Variants in SMC1B observed in about 807,000 individuals in gnomAD.
The protein encoded by SMC1B is structural maintenance of chromosomes protein 1B.
SMC1B carries 60 observed loss-of-function variants against 157.9 expected under a neutral mutation model. That is an observed-to-expected ratio of 0.38 (90% CI 0.31 to 0.47). The LOEUF is 0.47. Ranked by LOEUF, SMC1B falls within the 20% of genes least tolerant of loss-of-function variation. SMC1B has a pLI of 0.99. For missense variants in SMC1B, 1,165 were observed against 1,426.2 expected, an observed-to-expected ratio of 0.82 and a Z score of 2.95; for synonymous variants, 445 against 483.0, an observed-to-expected ratio of 0.92 and a Z score of 1.03.
chr22:45,402,928 T>C (rs779969469), intron 4 of SMC1B, among the ~76,000 whole-genome samples: 2 of 152,204 alleles, frequency 1.3e-5, no homozygotes, highest in African/African-American at 2.4e-5. Context: ...ATATGACTTA[T>C]AAGGTGCTAG....
chr22:45,356,727 C>CT (rs1174032906), intron 19 of SMC1B, among the ~76,000 whole-genome samples: 3,168 of 126,362 alleles, frequency 0.025, 65 homozygotes, highest in East Asian at 0.059. Context: ...TTTTTCTTTT[C>CT]TTTTTTTTTT....
intron 5 of SMC1B, among the ~76,000 whole-genome samples, chr22:45,400,745 T>C (rs1177201320): frequency 6.6e-6 from 1 of 152,150 alleles, no homozygotes; most frequent in African/African-American, 2.4e-5. Flanking sequence ...AAGGTCAACA[T>C]CAACAGTGAT....
Position 45,402,567 on chromosome 22 carries a change from T to C in SMC1B, c.620A>G (p.Glu207Gly), listed in dbSNP as rs1287762662. ...TTCTTCAAGGAGACTCTGGTAACGTTCTGCCTATAAAAGAGTATAATTCAA... is the reference window on the plus strand; with the variant it reads ...TTCTTCAAGGAGACTCTGGTAACGTCCTGCCTATAAAAGAGTATAATTCAA... ...RQAKLEKEEA[E>G]RYQSLLEELK... Residue 207 changes from glutamate to glycine, a missense_variant, in exon 5 of 25, where the codon GAA (glutamate) becomes GGA (glycine). Physicochemically the swap from Glu to Gly is moderately conservative, Grantham distance 98. Coordinates refer to ENST00000357450, the MANE Select transcript of SMC1B (RefSeq NM_148674.5). The C allele has an allele frequency of 6.2e-7, 1 of 1,611,236 alleles. No individual in the cohort carries two copies. The highest frequency in any genetic ancestry group is 1.1e-5 in the South Asian group (1 of 90,704).
chr22:45,412,428 T>C (rs2087350659), intron 1 of SMC1B, among the ~76,000 whole-genome samples: 1 of 145,910 alleles, frequency 6.9e-6, no homozygotes, highest in Admixed American at 6.9e-5. Flanking sequence ...CTCGAACTCC[T>C]GATCTCATGA....
At chr22:45,354,238 C>T in intron 20 of SMC1B, 106 bp from the exon 21 acceptor site, 1 of 899,402 alleles carries the variant, frequency 1.1e-6, no homozygotes, top group Non-Finnish European at 1.6e-6. Context: ...GTTTGGATCT[C>T]TTGAGTAAAG....
intron 10 of SMC1B, among the ~76,000 whole-genome samples, chr22:45,387,472 A>C (rs200291072): frequency 1.1e-4 from 17 of 152,102 alleles, no homozygotes; most frequent in Non-Finnish European, 1.9e-4. Flanking sequence ...AAACAAAAAA[A>C]AGTATGTTAT....
chr22:45,372,372 T>A, intron 12 of SMC1B, 80 bp from the exon 13 acceptor site: 1 of 1,257,612 alleles, frequency 8.0e-7, no homozygotes, highest in Non-Finnish European at 1.1e-6. Context: ...TATGTAATAA[T>A]TCACTGATTT....
chr22:45,403,763 C>T (rs1294534567), intron 4 of SMC1B, among the ~76,000 whole-genome samples: 6 of 152,088 alleles, frequency 3.9e-5, no homozygotes, highest in African/African-American at 1.4e-4. Context: ...CCAGCCCAAC[C>T]CTGCTCTTGT....
intron 1 of SMC1B, among the ~76,000 whole-genome samples, chr22:45,411,911 C>T (rs1015387138): frequency 2.1e-5 from 3 of 143,896 alleles, no homozygotes; most frequent in Non-Finnish European, 4.6e-5. Flanking sequence ...CAGAGTCTTG[C>T]TCTGTCGCCC....
chr22:45,363,131 T>C, intron 15 of SMC1B, 105 bp from the exon 16 acceptor site: 1 of 768,960 alleles, frequency 1.3e-6, no homozygotes, highest in Non-Finnish European at 2.0e-6. Context: ...AGGAATACTA[T>C]AATGAACTCC....
intron 14 of SMC1B, among the ~76,000 whole-genome samples, chr22:45,370,270 G>T (rs561098288): frequency 6.6e-6 from 1 of 151,890 alleles, no homozygotes; most frequent in East Asian, 1.9e-4. Context: ...AAAAAACTAA[G>T]AAAGATCATA....
chr22:45,392,414 T>C (rs2087070504), intron 9 of SMC1B, among the ~76,000 whole-genome samples: 1 of 152,142 alleles, frequency 6.6e-6, no homozygotes, highest in South Asian at 2.1e-4. Context: ...TTTTTTTTTT[T>C]TTTAAATCCT....
At chr22:45,354,312 T>G (rs1027539955) in intron 20 of SMC1B, among the ~76,000 whole-genome samples, 180 bp from the exon 21 acceptor site, 2 of 152,206 alleles carry the variant, frequency 1.3e-5, no homozygotes, top group African/African-American at 2.4e-5. Context: ...TTCATGAGCC[T>G]CTTTTCTAGT....
intron 12 of SMC1B, among the ~76,000 whole-genome samples, chr22:45,374,684 G>A (rs896098041): frequency 3.3e-5 from 5 of 152,038 alleles, no homozygotes; most frequent in East Asian, 1.9e-4. Context: ...AAAGCCCTAC[G>A]AACTGAAGCT....
chr22:45,351,808 AAG>A (rs909095154), intron 22 of SMC1B, among the ~76,000 whole-genome samples: 6 of 152,220 alleles, frequency 3.9e-5, no homozygotes, highest in African/African-American at 1.4e-4. Flanking sequence ...TGAATGTTGA[AAG>A]AGGTTAATTG....
intron 4 of SMC1B, among the ~76,000 whole-genome samples, chr22:45,403,419 T>G (rs2087219209): frequency 6.6e-6 from 1 of 151,928 alleles, no homozygotes; most frequent in Non-Finnish European, 1.5e-5. Context: ...ATTGAGAATA[T>G]AGCAGAAAAT....
chr22:45,388,053 A>C (rs1355196272), intron 10 of SMC1B, among the ~76,000 whole-genome samples: 2 of 149,204 alleles, frequency 1.3e-5, no homozygotes, highest in Non-Finnish European at 3.0e-5. Context: ...AGCAAAAAAA[A>C]CCCACAAACA....
intron 1 of SMC1B, 71 bp downstream of exon 1, chr22:45,413,388 A>G (rs1259672183): frequency 8.0e-7 from 1 of 1,247,890 alleles, no homozygotes; most frequent in African/African-American, 1.5e-5. Context: ...CCCACACCCC[A>G]CAGGCCACGT....
At chr22:45,412,679 G>A (rs1463489425) in intron 1 of SMC1B, among the ~76,000 whole-genome samples, 3 of 152,086 alleles carry the variant, frequency 2.0e-5, no homozygotes, top group African/African-American at 7.2e-5. Flanking sequence ...GCTAATTTTG[G>A]TATTATTAGT....
Sources: gnomAD v4.1 joint callset for allele counts (sites outside exome capture counted in the v4.1 genomes callset) on GRCh38, gnomAD v4.1.1 for gene constraint, MANE v1.5 for transcripts, NCBI Gene and HGNC (gene_info 2026-07-23, HGNC 2026-07-21) for gene names.